LNX1: variants seen among roughly 807,000 people sequenced by gnomAD.
The protein encoded by LNX1 is E3 ubiquitin-protein ligase LNX.
LNX1 carries 54 observed loss-of-function variants against 68.4 expected under a neutral mutation model. The ratio of observed to expected loss-of-function variants is 0.79; its 90% CI spans 0.63 to 0.99. LNX1 has a LOEUF of 0.99. Among genes scored for constraint, LNX1 ranks in the 50% least tolerant of loss-of-function variants. The pLI is 0.00. For synonymous variants in LNX1, 336 were observed against 350.0 expected (o/e 0.96, Z 0.45); for missense variants, 906 against 926.4 (o/e 0.98, Z 0.29).
intron 1 of LNX1, among the ~76,000 whole-genome samples, chr4:53,616,822 A>G (rs1289346944): frequency 2.0e-5 from 3 of 152,230 alleles, no homozygotes; most frequent in Non-Finnish European, 4.4e-5. Flanking sequence ...CCAAGATAAC[A>G]TAGGTAAATG....
intron 7 of LNX1, among the ~76,000 whole-genome samples, chr4:53,480,971 T>G (rs1029926656): frequency 6.6e-6 from 1 of 152,188 alleles, no homozygotes; most frequent in Non-Finnish European, 1.5e-5. Flanking sequence ...CACAACAGGA[T>G]GCCAAGCCAA....
At chr4:53,550,734 C>T (rs1484723748) in intron 2 of LNX1, among the ~76,000 whole-genome samples, 2 of 152,070 alleles carry the variant, frequency 1.3e-5, no homozygotes, top group Non-Finnish European at 2.9e-5. Context: ...TTTAAAAAGG[C>T]ACTTCCCCAG....
chr4:53,496,590 C>G, intron 5 of LNX1, 196 bp from the exon 6 acceptor site: 2 of 587,550 alleles, frequency 3.4e-6, no homozygotes, highest in Non-Finnish European at 5.9e-6. Context: ...CAGCACCTCT[C>G]CAGGCCTCTG....
intron 1 of LNX1, among the ~76,000 whole-genome samples, chr4:53,635,951 C>T (rs1364893123): frequency 6.6e-6 from 1 of 152,110 alleles, no homozygotes; most frequent in African/African-American, 2.4e-5. Flanking sequence ...CTGATACGGC[C>T]AGTGATGGGG....
chr4:53,617,833 T>A (rs943637325), upstream of LNX1, among the ~76,000 whole-genome samples: 9 of 152,230 alleles, frequency 5.9e-5, no homozygotes, highest in African/African-American at 2.2e-4. Context: ...GGATGATAAG[T>A]AAATGCTCTA....
chr4:53,647,056 T>TTC (rs1310713505), intron 1 of LNX1, among the ~76,000 whole-genome samples: 1 of 152,204 alleles, frequency 6.6e-6, no homozygotes, highest in Non-Finnish European at 1.5e-5. Context: ...CCATTTTTTC[T>TTC]CTTTTTCCTG....
rs1264872495 is a variant in LNX1 at position 53,460,496 on chromosome 4, C to G, written c.*411G>C. 5.0e-6 allele frequency: 1 copy of G among 198,182 alleles called. No homozygotes were observed. The highest frequency in any genetic ancestry group is 1.0e-5 in the Non-Finnish European group (1 of 96,296). The allele number at this position is 198,182 out of a possible 1,614,324, so 12.3% of individuals were successfully genotyped here. On this transcript the variant is annotated 3_prime_UTR_variant, in exon 11 of 11. Coordinates refer to ENST00000263925, the MANE Select transcript of LNX1 (RefSeq NM_001126328.3). ...ATTTATTCTTGTTTGATGAAAGCAA[C>G]GTTTCTCAGCAATGCATTTTAAAAA...
chr4:53,520,778 A>G (rs376420949), intron 2 of LNX1, among the ~76,000 whole-genome samples: 3 of 152,266 alleles, frequency 2.0e-5, no homozygotes, highest in Middle Eastern at 3.4e-3. Context: ...CCTGGCCAAC[A>G]TGGCAAAACC....
chr4:53,491,937 G>A (rs1212420859), intron 6 of LNX1, among the ~76,000 whole-genome samples: 4 of 151,644 alleles, frequency 2.6e-5, no homozygotes, highest in South Asian at 2.1e-4. Context: ...ACAGGCGTGC[G>A]CCCCCACCCC....
At chr4:53,607,872 C>G (rs2109843926) in intron 2 of LNX1, among the ~76,000 whole-genome samples, 1 of 152,244 alleles carries the variant, frequency 6.6e-6, no homozygotes, top group East Asian at 1.9e-4. Flanking sequence ...GGGGAAAGGA[C>G]TCCCTATTCA....
intron 6 of LNX1, among the ~76,000 whole-genome samples, chr4:53,488,928 C>T (rs1290226001): frequency 6.6e-6 from 1 of 152,044 alleles, no homozygotes; most frequent in African/African-American, 2.4e-5. Context: ...TTCCAGTGAA[C>T]AAAAGAACTT....
At chr4:53,461,936 A>G (rs1722165519) in intron 9 of LNX1, among the ~76,000 whole-genome samples, 2 of 152,156 alleles carry the variant, frequency 1.3e-5, no homozygotes, top group African/African-American at 4.8e-5. Context: ...TTATTGGTGA[A>G]CAAACACACT....
chr4:53,499,737 C>T (rs1408157561), intron 4 of LNX1, among the ~76,000 whole-genome samples: 1 of 152,174 alleles, frequency 6.6e-6, no homozygotes, highest in African/African-American at 2.4e-5. Context: ...CTTGGGGGAA[C>T]ATCAGTTCTT....
intron 2 of LNX1, among the ~76,000 whole-genome samples, chr4:53,564,107 C>A (rs1254380881): frequency 6.6e-6 from 1 of 152,178 alleles, no homozygotes. Flanking sequence ...CACTTTCAGT[C>A]AGTTTTGGTT....
chr4:53,646,350 A>G (rs1734882072), intron 1 of LNX1, among the ~76,000 whole-genome samples: 1 of 152,132 alleles, frequency 6.6e-6, no homozygotes, highest in South Asian at 2.1e-4. Context: ...CTAAACTAAC[A>G]TGGCTCCCCC....
At chr4:53,608,642 A>G (rs550082745) in intron 2 of LNX1, among the ~76,000 whole-genome samples, 1 of 152,278 alleles carries the variant, frequency 6.6e-6, no homozygotes, top group East Asian at 1.9e-4. Flanking sequence ...AAATTTTTCT[A>G]CCACAAAGAC....
At chr4:53,592,148 A>G (rs953861441), upstream of LNX1, among the ~76,000 whole-genome samples, 25 of 149,120 alleles carry the variant, frequency 1.7e-4, 2 homozygotes, top group Admixed American at 1.4e-3. Context: ...AGTCATTCCT[A>G]TCTCGGCTGG....
rs1403928178 is a variant in LNX1 at position 53,559,831 on chromosome 4, T to G, written c.380+13792A>C. 7.4e-5 allele frequency among the ~76,000 whole-genome samples: 11 copies of G among 149,216 alleles called. No homozygotes were observed. The East Asian group carries it at 2.2e-3, about 30-fold the overall frequency. On this transcript the variant is annotated intron_variant, in intron 2 of 10. Coordinates refer to ENST00000263925, the MANE Select transcript of LNX1 (RefSeq NM_001126328.3). ...CCTGGCTAAAAAAAAAAAAAAAAAT[T>G]AAAATCTTTTTCAGAGATGAGGGTC...
chr4:53,621,165 A>G (rs2109859954), upstream of LNX1, among the ~76,000 whole-genome samples: 1 of 152,124 alleles, frequency 6.6e-6, no homozygotes, highest in East Asian at 1.9e-4. Flanking sequence ...TGGCATCCAC[A>G]TTTCACCAAG....
Sources: allele counts gnomAD v4.1 joint callset (sites outside exome capture counted in the v4.1 genomes callset), GRCh38; gene constraint gnomAD v4.1.1; transcripts MANE v1.5; gene names NCBI Gene and HGNC (gene_info 2026-07-23, HGNC 2026-07-21).